Variants in TTBK2 observed in about 807,000 individuals in gnomAD.
TTBK2 encodes tau tubulin kinase 2.
TTBK2 carries 28 observed loss-of-function variants against 110.8 expected under a neutral mutation model. That is an observed-to-expected ratio of 0.25 (90% CI 0.19 to 0.35). The LOEUF (loss-of-function observed/expected upper bound fraction) is 0.35, where lower values mean the gene tolerates loss of function less well. Among genes scored for constraint, TTBK2 ranks in the 10% least tolerant of loss-of-function variants. The pLI, the probability that TTBK2 is intolerant of heterozygous loss-of-function variation, is 1.00. For missense variants in TTBK2, 1,369 were observed against 1,500.3 expected (o/e 0.91, Z 1.45); for synonymous variants, 532 against 527.3 (o/e 1.01, Z -0.12).
At chr15:42,906,294 AC>A (rs1382724910) in intron 1 of TTBK2, among the ~76,000 whole-genome samples, 1 of 152,208 alleles carries the variant, frequency 6.6e-6, no homozygotes, top group Non-Finnish European at 1.5e-5. Context: ...CAGTTCCTGT[AC>A]CACTTGAATA....
Position 42,783,694 on chromosome 15 carries a change from C to T in TTBK2, c.981-59G>A. ...CAAAAATTACTATGAGACTATCTTA[C>T]ATCATTTTATTTCTTCATTTAAATG... On this transcript the variant is annotated intron_variant, in intron 10 of 14. Coordinates refer to ENST00000267890, the MANE Select transcript of TTBK2 (RefSeq NM_173500.4). 5.1e-6 allele frequency: 6 copies of T among 1,176,328 alleles called. No homozygotes were observed. The East Asian group carries it at 1.2e-4, about 23-fold the overall frequency. 72.9% of individuals were successfully genotyped at this position (1,176,328 alleles called of 1,614,324 possible).
intron 13 of TTBK2, among the ~76,000 whole-genome samples, chr15:42,770,057 A>T (rs939666823): frequency 6.7e-6 from 1 of 148,750 alleles, no homozygotes; most frequent in Non-Finnish European, 1.5e-5. Context: ...AACAATGAGA[A>T]TACTTGGACA....
At chr15:42,781,387 AAC>A (rs1890172355) in intron 11 of TTBK2, among the ~76,000 whole-genome samples, 1 of 152,132 alleles carries the variant, frequency 6.6e-6, no homozygotes, top group South Asian at 2.1e-4. Context: ...GCAATACAGT[AAC>A]AGAGATATTC....
intron 3 of TTBK2, among the ~76,000 whole-genome samples, chr15:42,853,082 G>C (rs2141054488): frequency 6.6e-6 from 1 of 152,304 alleles, no homozygotes; most frequent in Middle Eastern, 3.4e-3. Context: ...AAAAGGAGCA[G>C]TCATACTTTG....
At chr15:42,836,401 C>T (rs947397945) in intron 4 of TTBK2, among the ~76,000 whole-genome samples, 13 of 152,032 alleles carry the variant, frequency 8.6e-5, no homozygotes, top group Admixed American at 8.5e-4. Flanking sequence ...TAGTTATCTT[C>T]CATATGTCAA....
chr15:42,870,198 A>G (rs1430555947), intron 3 of TTBK2, among the ~76,000 whole-genome samples: 1 of 152,054 alleles, frequency 6.6e-6, no homozygotes, highest in Non-Finnish European at 1.5e-5. Context: ...AATAATAATA[A>G]AATTCGAGAG....
At chr15:42,779,760 A>G (rs528737802) in intron 11 of TTBK2, among the ~76,000 whole-genome samples, 2 of 152,242 alleles carry the variant, frequency 1.3e-5, no homozygotes, top group South Asian at 4.1e-4. Flanking sequence ...CAGGTGAATT[A>G]CTTGAGGCCA....
intron 13 of TTBK2, among the ~76,000 whole-genome samples, chr15:42,763,157 C>CATAT (rs1567008803): frequency 0.066 from 1,338 of 20,406 alleles, 45 homozygotes; most frequent in Non-Finnish European, 0.075. Context: ...TATATATATA[C>CATAT]ATATATATAT....
At chr15:42,896,282 C>A (rs1441614985) in intron 1 of TTBK2, among the ~76,000 whole-genome samples, 1 of 151,918 alleles carries the variant, frequency 6.6e-6, no homozygotes, top group African/African-American at 2.4e-5. Flanking sequence ...GAGCTGAGAT[C>A]GTGCCATTAC....
Position 42,739,327 on chromosome 15 carries a change from T to C in TTBK2, c.*6468A>G, listed in dbSNP as rs756972906. The stretch of plus-strand genomic sequence containing the variant: ...GGAATTATTAAAGTCATCTAACTCA[T>C]TGGTCTTGTTCAACAAGAAAGAATT... On this transcript the variant is annotated 3_prime_UTR_variant, in exon 15 of 15. Coordinates refer to ENST00000267890, the MANE Select transcript of TTBK2 (RefSeq NM_173500.4). The C allele has an allele frequency of 5.3e-5, 8 of 152,244 alleles. No homozygotes were observed. Among genetic ancestry groups the C allele is most frequent in the Non-Finnish European group, 1.2e-4 (8 of 68,046 alleles). 9.4% of individuals were successfully genotyped at this position (152,244 alleles called of 1,614,324 possible). A position where few individuals can be genotyped will look rare whatever the true frequency, so the allele number is the denominator to read the frequency against.
chr15:42,752,264 G>C lies in TTBK2; in HGVS notation c.2982C>G (p.Asp994Glu). 1 of 1,614,200 alleles carries C rather than the reference G, an allele frequency of 6.2e-7. No individual in the cohort carries two copies. The highest frequency in any genetic ancestry group is 1.1e-5 in the South Asian group (1 of 91,078). ...GCAATTTATCAGAGGCACTTGAGAGGTCGCCAAGGAAGGACTTGAATTGTC... is the reference window on the plus strand; with the variant it reads ...GCAATTTATCAGAGGCACTTGAGAGCTCGCCAAGGAAGGACTTGAATTGTC... ...EKRQFKSFLGDLSSASDKLLE... is the reference protein window; with the variant it reads ...EKRQFKSFLGELSSASDKLLE... Residue 994 changes from aspartate to glutamate, a missense_variant, in exon 14 of 15, where the codon GAC becomes GAG. Asp to Glu is a conservative substitution (Grantham distance 45). Around this residue, in one of 4 missense-constraint regions of TTBK2, gnomAD observed 1,097 missense variants for 1,114.7 expected, o/e 0.98. Coordinates refer to ENST00000267890, the MANE Select transcript of TTBK2 (RefSeq NM_173500.4).
In TTBK2 at chr15:42,751,671, G is replaced by A. The variant is rs553284912; in HGVS notation, c.3272+303C>T. Among the ~76,000 whole-genome samples the A allele has an allele frequency of 9.2e-5, 14 of 152,336 alleles. No homozygotes were observed. The South Asian group carries it at 2.7e-3, about 29-fold the overall frequency. On this transcript the variant is annotated intron_variant, in intron 14 of 14. Coordinates refer to ENST00000267890, the MANE Select transcript of TTBK2 (RefSeq NM_173500.4). ...GCAGAAGAGAATCTCTTGAACCCGG[G>A]ATGCAGAGGTTGCAGTGAGCTGAGA...
In TTBK2 at chr15:42,753,186, CCA is replaced by C; in HGVS notation, c.2058_2059del (p.Cys686TrpfsTer34). The C allele has an allele frequency of 6.2e-7, 1 of 1,611,076 alleles. No individual in the cohort carries two copies. The highest frequency in any genetic ancestry group is 8.5e-7 in the Non-Finnish European group (1 of 1,179,272). ...AAGATCTTTCTTCTCTGGCTGCTGA[CCA>C]CAGTGAAAGCTTCCTGAAGTTGACT... On this transcript the variant is annotated frameshift_variant, in exon 14 of 15. Coordinates refer to ENST00000267890, the MANE Select transcript of TTBK2 (RefSeq NM_173500.4). LOFTEE classifies it high-confidence loss of function.
intron 1 of TTBK2, among the ~76,000 whole-genome samples, chr15:42,881,701 A>G (rs1489911435): frequency 6.6e-6 from 1 of 151,854 alleles, no homozygotes; most frequent in Non-Finnish European, 1.5e-5. Context: ...GTGAAACCCC[A>G]TCTCTACTAA....
Position 42,868,740 on chromosome 15 carries a change from T to A in TTBK2, c.217+3871A>T, listed in dbSNP as rs369073273. On this transcript the variant is annotated intron_variant, in intron 3 of 14. Transcript: ENST00000267890. ...AGCTGAGTGTGGTGGCACACACCTG[T>A]GGTCCCAGCTACTCTGGAGGCTGAG... 8.4e-4 allele frequency among the ~76,000 whole-genome samples: 126 copies of A among 150,374 alleles called. 3 individuals are homozygous for A. In the East Asian group the frequency reaches 0.019, roughly 23 times the overall value.
Position 42,745,581 on chromosome 15 carries a change from T to C in TTBK2, c.*214A>G. 1 of 626,844 alleles carries C rather than the reference T, an allele frequency of 1.6e-6. No individual in the cohort carries two copies. The highest frequency in any genetic ancestry group is 2.8e-6 in the Non-Finnish European group (1 of 362,124). 38.8% of individuals were successfully genotyped at this position (626,844 alleles called of 1,614,324 possible). A position where few individuals can be genotyped will look rare whatever the true frequency, so the allele number is the denominator to read the frequency against. On this transcript the variant is annotated 3_prime_UTR_variant, in exon 15 of 15. Transcript: ENST00000267890. ...CCTTGGATTTTTGCTCTATTTTTCC[T>C]TCTTGTACAAAGACATTGATTCCTA...
At chr15:42,810,540 TCAAAG>T in intron 9 of TTBK2, 69 bp downstream of exon 9, 3 of 1,589,030 alleles carry the variant, frequency 1.9e-6, no homozygotes, top group Non-Finnish European at 2.6e-6. Context: ...TATAACACCT[TCAAAG>T]CTACAATGAG....
intron 1 of TTBK2, among the ~76,000 whole-genome samples, chr15:42,910,110 T>TA (rs2030660195): frequency 6.6e-6 from 1 of 152,238 alleles, no homozygotes; most frequent in African/African-American, 2.4e-5. Flanking sequence ...ACTGCACATG[T>TA]ATGTTTTATA....
At chr15:42,875,436 T>C (rs1489995992) in intron 2 of TTBK2, among the ~76,000 whole-genome samples, 1 of 152,130 alleles carries the variant, frequency 6.6e-6, no homozygotes, top group Non-Finnish European at 1.5e-5. Flanking sequence ...CCTTTCACAC[T>C]GATGAAAACA....
Sources: allele counts gnomAD v4.1 joint callset (sites outside exome capture counted in the v4.1 genomes callset), GRCh38; gene constraint gnomAD v4.1.1; regional missense constraint gnomAD v4.1.1; transcripts MANE v1.5; gene names NCBI Gene and HGNC (gene_info 2026-07-23, HGNC 2026-07-21).